The following WNT3 variants were observed in gnomAD, a reference collection of about 807,000 sequenced individuals.
WNT3 encodes the protein proto-oncogene Wnt-3.
A neutral mutation model predicts 34.2 loss-of-function variants in WNT3; 7 were observed. The ratio of observed to expected loss-of-function variants is 0.20; its 90% CI spans 0.12 to 0.38. The LOEUF (loss-of-function observed/expected upper bound fraction) is 0.38, where lower values mean the gene tolerates loss of function less well. Among genes scored for constraint, WNT3 ranks in the 10% least tolerant of loss-of-function variants. The pLI, the probability that WNT3 is intolerant of heterozygous loss-of-function variation, is 1.00. For synonymous variants in WNT3, 212 were observed against 211.5 expected, an observed-to-expected ratio of 1.00 and a Z score of -0.02; for missense variants, 267 against 499.8, an observed-to-expected ratio of 0.53 and a Z score of 4.44.
chr17:46,801,089 C>T (rs2084119206), intron 1 of WNT3, among the ~76,000 whole-genome samples: 1 of 152,226 alleles, frequency 6.6e-6, no homozygotes, highest in African/African-American at 2.4e-5. Flanking sequence ...TTCATCCTCA[C>T]AATAGCCCTC....
At chr17:46,809,302 C>T (rs2084238940) in intron 1 of WNT3, among the ~76,000 whole-genome samples, 1 of 152,136 alleles carries the variant, frequency 6.6e-6, no homozygotes, top group Admixed American at 6.5e-5. Context: ...CCTGCTCACT[C>T]ACAGCACAAG....
At position 46,786,947 on chromosome 17, in the gene WNT3, T is replaced by C. The variant is rs1203864522; in HGVS notation, c.81-13038A>G. Among the ~76,000 whole-genome samples the C allele has an allele frequency of 2.6e-5, 4 of 151,684 alleles. No individual in the cohort carries two copies. The East Asian group carries it at 7.7e-4, about 29-fold the overall frequency. ...CATTTTTCTTTTCTTTTTTCTTTTT[T>C]TTTTTTTTGAGACAGGGTCTCACTC... On this transcript the variant is annotated intron_variant, in intron 1 of 4. Coordinates refer to ENST00000225512, the MANE Select transcript of WNT3 (RefSeq NM_030753.5).
intron 1 of WNT3, among the ~76,000 whole-genome samples, chr17:46,782,735 G>A (rs571501324): frequency 1.3e-5 from 2 of 152,340 alleles, no homozygotes; most frequent in Admixed American, 1.3e-4. Context: ...GTGGATGAGG[G>A]AGGCCACAGG....
Position 46,768,834 on chromosome 17 carries a change from G to C in WNT3, c.589-35C>G. Reference sequence around the variant, plus strand: ...AGAAGTGGCAGCTGGCCAACAGACCGACCCCACGAGGGGGCACATCCAGGC... The same window carrying C: ...AGAAGTGGCAGCTGGCCAACAGACCCACCCCACGAGGGGGCACATCCAGGC... On this transcript the variant is annotated intron_variant, in intron 3 of 4. Coordinates refer to ENST00000225512, the MANE Select transcript of WNT3 (RefSeq NM_030753.5). The surrounding 1 kb of genome is among the most constrained non-coding windows in gnomAD (Gnocchi z 5.0). 1.2e-6 allele frequency: 2 copies of C among 1,604,566 alleles called. No homozygotes were observed. Among genetic ancestry groups the C allele is most frequent in the Non-Finnish European group, 1.7e-6 (2 of 1,176,982 alleles).
chr17:46,776,457 G>A (rs1052020065), intron 1 of WNT3, among the ~76,000 whole-genome samples: 1 of 152,216 alleles, frequency 6.6e-6, no homozygotes, highest in East Asian at 1.9e-4. Context: ...CTCACGGCAG[G>A]TCTGTAATAA....
At chr17:46,804,490 TGTAAGACA>T (rs1439158315) in intron 1 of WNT3, among the ~76,000 whole-genome samples, 77 of 152,230 alleles carry the variant, frequency 5.1e-4, no homozygotes, top group Non-Finnish European at 9.7e-4. Flanking sequence ...AGGGAAGTGC[TGTAAGACA>T]CCAGACGGAA....
At chr17:46,764,875 T>C (rs972930194) in intron 4 of WNT3, among the ~76,000 whole-genome samples, 1 of 152,184 alleles carries the variant, frequency 6.6e-6, no homozygotes, top group Non-Finnish European at 1.5e-5. Context: ...CCCCCACCTC[T>C]AGCTGAGGGC....
In WNT3 at chr17:46,768,270, C is replaced by A. The variant is rs890200909; in HGVS notation, c.*8+42G>T. The A allele has an allele frequency of 1.2e-6, 2 of 1,611,062 alleles. No individual in the cohort carries two copies. The highest frequency in any genetic ancestry group is 1.7e-6 in the Non-Finnish European group (2 of 1,179,862). The stretch of plus-strand genomic sequence containing the variant: ...GATGGGCAAACAACCCCATTCCCTG[C>A]GCCCAGGCTCCCAGCCTCCCCCCTG... On this transcript the variant is annotated intron_variant, in intron 4 of 4. Coordinates refer to ENST00000225512, the MANE Select transcript of WNT3 (RefSeq NM_030753.5). This position sits in a 1 kb window ranked among gnomAD's most constrained non-coding sequence, Gnocchi z 5.0.
At chr17:46,807,603 C>A (rs2084214489) in intron 1 of WNT3, among the ~76,000 whole-genome samples, 1 of 152,350 alleles carries the variant, frequency 6.6e-6, no homozygotes, top group African/African-American at 2.4e-5. Flanking sequence ...TTTTAATTCG[C>A]ATGTGCCTTG....
rs991591435 is a variant in WNT3, at chr17:46,763,698, G to T, written c.*932C>A. 1 of 152,048 alleles carries T rather than the reference G, an allele frequency of 6.6e-6. No individual in the cohort carries two copies. Among genetic ancestry groups the T allele is most frequent in the Admixed American group, 6.6e-5 (1 of 15,256 alleles). 9.4% of individuals were successfully genotyped at this position (152,048 alleles called of 1,614,324 possible). ...CTCTACCTGGAGTTATTTGTACAGA[G>T]AATCTGCAGGTGAGCAGGGCTGGGA... On this transcript the variant is annotated 3_prime_UTR_variant, in exon 5 of 5. Coordinates refer to ENST00000225512, the MANE Select transcript of WNT3 (RefSeq NM_030753.5).
chr17:46,805,567 TCTGTC>T (rs1332622405), intron 1 of WNT3, among the ~76,000 whole-genome samples: 23 of 152,108 alleles, frequency 1.5e-4, no homozygotes, highest in African/African-American at 5.3e-4. Context: ...GAGTGAAAAC[TCTGTC>T]TCAAAAATAA....
chr17:46,766,522 T>C (rs1361900927), intron 4 of WNT3, among the ~76,000 whole-genome samples: 1 of 152,096 alleles, frequency 6.6e-6, no homozygotes, highest in African/African-American at 2.4e-5. Flanking sequence ...TGGATTCACC[T>C]TCGTCCTCTC....
At chr17:46,777,490 G>T (rs971475976) in intron 1 of WNT3, among the ~76,000 whole-genome samples, 4 of 152,244 alleles carry the variant, frequency 2.6e-5, no homozygotes, top group Non-Finnish European at 5.9e-5. Context: ...TGGCCTCAAA[G>T]GTCGGAGTGC....
At chr17:46,781,898 C>A (rs2059464887) in intron 1 of WNT3, among the ~76,000 whole-genome samples, 1 of 152,192 alleles carries the variant, frequency 6.6e-6, no homozygotes, top group African/African-American at 2.4e-5. Context: ...GGTCACACAG[C>A]TGGCTGCCCA....
intron 1 of WNT3, among the ~76,000 whole-genome samples, chr17:46,803,764 C>T (rs2084156929): frequency 6.6e-6 from 1 of 152,242 alleles, no homozygotes; most frequent in Non-Finnish European, 1.5e-5. Context: ...TTGACCAGCC[C>T]TTGGCCACAG....
intron 3 of WNT3, among the ~76,000 whole-genome samples, chr17:46,769,531 G>A (rs1281254584): frequency 6.6e-6 from 1 of 152,124 alleles, no homozygotes; most frequent in East Asian, 1.9e-4. Context: ...GGTGGCACCT[G>A]ATCCCACGGG....
At chr17:46,814,868 G>C (rs2146471394) in intron 1 of WNT3, among the ~76,000 whole-genome samples, 1 of 152,352 alleles carries the variant, frequency 6.6e-6, no homozygotes, top group South Asian at 2.1e-4. Context: ...ACTGAGGTAG[G>C]TCTTAGGCAG....
chr17:46,778,780 G>A (rs1041628246), intron 1 of WNT3, among the ~76,000 whole-genome samples: 15 of 152,100 alleles, frequency 9.9e-5, no homozygotes, highest in Non-Finnish European at 1.5e-4. Context: ...CCCTCGGCTC[G>A]AAGCACCTCT....
intron 1 of WNT3, among the ~76,000 whole-genome samples, chr17:46,783,345 C>G (rs746904090): frequency 6.6e-6 from 1 of 152,228 alleles, no homozygotes; most frequent in Non-Finnish European, 1.5e-5. Context: ...CTTCAGAGAG[C>G]AGGTTGAAGT....
Sources: allele counts gnomAD v4.1 joint callset (sites outside exome capture counted in the v4.1 genomes callset), GRCh38; gene constraint gnomAD v4.1.1; non-coding constraint Gnocchi (gnomAD v3.1); transcripts MANE v1.5; gene names NCBI Gene and HGNC (gene_info 2026-07-23, HGNC 2026-07-21).